ZDHHC20: variants seen among roughly 807,000 people sequenced by gnomAD.
The protein encoded by ZDHHC20 is palmitoyltransferase ZDHHC20.
Under a neutral mutation model 57.8 loss-of-function variants are expected in ZDHHC20, and 43 were observed. The ratio of observed to expected loss-of-function variants is 0.74; its 90% CI spans 0.58 to 0.96. ZDHHC20 has a LOEUF of 0.96. Among genes scored for constraint, ZDHHC20 ranks in the 40% least tolerant of loss-of-function variants. The probability of loss-of-function intolerance (pLI) is 0.00; values close to 1 mark genes in which losing one functional copy is unlikely to be tolerated. For synonymous variants in ZDHHC20, 157 were observed against 153.0 expected (o/e 1.03, Z -0.19); for missense variants, 391 against 441.1 (o/e 0.89, Z 1.02).
chr13:21,454,014 T>G (rs1445336565), intron 1 of ZDHHC20, among the ~76,000 whole-genome samples: 1 of 152,024 alleles, frequency 6.6e-6, no homozygotes, highest in African/African-American at 2.4e-5. Flanking sequence ...GCCCATCTAA[T>G]TTTTTGTATT....
intron 1 of ZDHHC20, among the ~76,000 whole-genome samples, chr13:21,437,727 T>A (rs1174809675): frequency 6.6e-6 from 1 of 151,910 alleles, no homozygotes; most frequent in Non-Finnish European, 1.5e-5. Flanking sequence ...AGTCTCACAC[T>A]GTCGCCCAGG....
chr13:21,376,688 C>G (rs1273406976), intron 12 of ZDHHC20, 33 bp from the exon 13 acceptor site: 1 of 1,338,402 alleles, frequency 7.5e-7, no homozygotes, highest in Non-Finnish European at 1.0e-6. Context: ...TTGGTTAAAA[C>G]TTGATTTTTT....
At chr13:21,397,158 A>T (rs1367481006) in intron 7 of ZDHHC20, among the ~76,000 whole-genome samples, 1 of 151,344 alleles carries the variant, frequency 6.6e-6, no homozygotes, top group African/African-American at 2.4e-5. Flanking sequence ...ATTTTGGGAG[A>T]CCGAGGCGGG....
At chr13:21,403,227 T>A (rs1171804933) in intron 4 of ZDHHC20, among the ~76,000 whole-genome samples, 1 of 151,918 alleles carries the variant, frequency 6.6e-6, no homozygotes, top group Non-Finnish European at 1.5e-5. Context: ...ATGCCTACAG[T>A]AATATCAAAA....
At chr13:21,417,814 C>A (rs1324433784) in intron 3 of ZDHHC20, among the ~76,000 whole-genome samples, 1 of 152,178 alleles carries the variant, frequency 6.6e-6, no homozygotes, top group African/African-American at 2.4e-5. Context: ...TCTGAGCTGA[C>A]TGAATCCTCC....
At chr13:21,445,496 A>G (rs1001896577) in intron 1 of ZDHHC20, among the ~76,000 whole-genome samples, 3 of 152,244 alleles carry the variant, frequency 2.0e-5, no homozygotes. Flanking sequence ...AGCTATTATA[A>G]TTAACATTTC....
intron 1 of ZDHHC20, among the ~76,000 whole-genome samples, chr13:21,430,221 G>A (rs1194913808): frequency 6.6e-6 from 1 of 152,096 alleles, no homozygotes; most frequent in Non-Finnish European, 1.5e-5. Flanking sequence ...CTGACTCCGT[G>A]CAGTGAGAGA....
chr13:21,446,483 T>G (rs1437983783), intron 1 of ZDHHC20, among the ~76,000 whole-genome samples: 1 of 152,238 alleles, frequency 6.6e-6, no homozygotes, highest in African/African-American at 2.4e-5. Context: ...CCATAAAAAT[T>G]AATTCTTCCT....
At chr13:21,398,606 C>T (rs186042562) in intron 7 of ZDHHC20, among the ~76,000 whole-genome samples, 1 of 152,292 alleles carries the variant, frequency 6.6e-6, no homozygotes, top group African/African-American at 2.4e-5. Context: ...GTATACCACC[C>T]TGATTCTATA....
At position 21,381,976 on chromosome 13, in the gene ZDHHC20, C is replaced by T. The variant is rs373821648; in HGVS notation, c.945-427G>A. 8 of 512,882 alleles carry T rather than the reference C, an allele frequency of 1.6e-5. No homozygotes were observed. The East Asian group carries it at 1.6e-4, about 10-fold the overall frequency. 31.8% of individuals were successfully genotyped at this position (512,882 alleles called of 1,614,324 possible). On this transcript the variant is annotated intron_variant, in intron 10 of 12. Transcript: ENST00000400590. ...GGGAAAAAATGATTCAGTGATTTAGCGTAGACTTATTTTTCTAGCTAAAAG... is the reference window on the plus strand; with the variant it reads ...GGGAAAAAATGATTCAGTGATTTAGTGTAGACTTATTTTTCTAGCTAAAAG...
At chr13:21,447,234 G>A (rs151293768) in intron 1 of ZDHHC20, among the ~76,000 whole-genome samples, 1,260 of 12,952 alleles carry the variant, frequency 0.097, 18 homozygotes, top group African/African-American at 0.28. Context: ...GAGCCTCCGA[G>A]GCCGAGGACT....
chr13:21,417,724 C>T (rs1486418972), intron 3 of ZDHHC20, among the ~76,000 whole-genome samples: 1 of 152,136 alleles, frequency 6.6e-6, no homozygotes, highest in Non-Finnish European at 1.5e-5. Context: ...TAGGGGTGAG[C>T]CACCACGTCT....
In ZDHHC20 at chr13:21,381,388, T is replaced by C. The variant is rs1225982947; in HGVS notation, c.1060+46A>G. 3 of 1,422,056 alleles carry C rather than the reference T, an allele frequency of 2.1e-6. No individual in the cohort carries two copies. The African/African-American group carries it at 4.2e-5, about 20-fold the overall frequency. 88.1% of individuals were successfully genotyped at this position (1,422,056 alleles called of 1,614,324 possible). The stretch of plus-strand genomic sequence containing the variant: ...TTCCACATGTATTATATCTGGTGCT[T>C]TTCATTTGAACCAGACAAAGCAGTG... On this transcript the variant is annotated intron_variant, in intron 11 of 12. Coordinates refer to ENST00000400590, the MANE Select transcript of ZDHHC20 (RefSeq NM_001330059.2).
chr13:21,375,245 C>T lies in ZDHHC20; in HGVS notation c.*1451G>A, dbSNP rs1170327502. On this transcript the variant is annotated 3_prime_UTR_variant, in exon 13 of 13. Transcript: ENST00000400590. ...CTTATTCACAACACCCCCTCCCCTGCAGTCCCATTTTACAGACAGGAAGCT... is the reference window on the plus strand; with the variant it reads ...CTTATTCACAACACCCCCTCCCCTGTAGTCCCATTTTACAGACAGGAAGCT... 4 of 447,734 alleles carry T rather than the reference C, an allele frequency of 8.9e-6. No individual in the cohort carries two copies. In the East Asian group the frequency reaches 2.1e-4, roughly 23 times the overall value. The allele number at this position is 447,734 out of a possible 1,614,324, so 27.7% of individuals were successfully genotyped here.
At chr13:21,388,501 A>G (rs1875013931) in intron 8 of ZDHHC20, among the ~76,000 whole-genome samples, 1 of 152,168 alleles carries the variant, frequency 6.6e-6, no homozygotes, top group South Asian at 2.1e-4. Context: ...GATGGGTGTG[A>G]AACAAGAAAT....
chr13:21,435,573 CATGCTGATAT>C (rs1202026001), intron 1 of ZDHHC20, among the ~76,000 whole-genome samples: 1 of 152,120 alleles, frequency 6.6e-6, no homozygotes, highest in Non-Finnish European at 1.5e-5. Context: ...TTTGCCGGTG[CATGCTGATAT>C]ATGTGAGTGA....
At chr13:21,412,838 A>C (rs914773922) in intron 4 of ZDHHC20, among the ~76,000 whole-genome samples, 9 of 151,846 alleles carry the variant, frequency 5.9e-5, no homozygotes, top group Non-Finnish European at 1.0e-4. Context: ...GTTTGGTGGC[A>C]TGTGCCTGCA....
At chr13:21,378,266 C>T (rs1872599588) in intron 12 of ZDHHC20, among the ~76,000 whole-genome samples, 3 of 152,026 alleles carry the variant, frequency 2.0e-5, no homozygotes. Flanking sequence ...AAGTATCTGA[C>T]CCAGGCTGGT....
chr13:21,418,390 TAAC>T (rs893249793), intron 3 of ZDHHC20, among the ~76,000 whole-genome samples: 11 of 152,242 alleles, frequency 7.2e-5, no homozygotes, highest in African/African-American at 2.2e-4. Context: ...CCAAAAAAAA[TAAC>T]AACAACATTT....
Sources: gnomAD v4.1 joint callset for allele counts (sites outside exome capture counted in the v4.1 genomes callset) on GRCh38, gnomAD v4.1.1 for gene constraint, MANE v1.5 for transcripts, NCBI Gene and HGNC (gene_info 2026-07-23, HGNC 2026-07-21) for gene names.